Variants in CLEC17A observed in about 807,000 individuals in gnomAD.
CLEC17A encodes C-type lectin domain family 17, member A.
Under a neutral mutation model 61.3 loss-of-function variants are expected in CLEC17A, and 37 were observed. The observed-to-expected ratio is 0.60, with a 90% CI of 0.46 to 0.79. The LOEUF (loss-of-function observed/expected upper bound fraction) is 0.79. CLEC17A is among the 30% of genes least tolerant of loss of function. The pLI, the probability that CLEC17A is intolerant of heterozygous loss-of-function variation, is 0.00. For synonymous variants in CLEC17A, 168 were observed against 164.9 expected, an observed-to-expected ratio of 1.02 and a Z score of -0.14; for missense variants, 418 against 464.7, an observed-to-expected ratio of 0.90 and a Z score of 0.92.
At chr19:14,594,144 G>T (rs553667059) in intron 4 of CLEC17A, among the ~76,000 whole-genome samples, 2 of 151,968 alleles carry the variant, frequency 1.3e-5, no homozygotes, top group Non-Finnish European at 2.9e-5. Context: ...TTAGCTGGGC[G>T]TGGTAGCATA....
chr19:14,611,676 T>C lies in CLEC17A; in HGVS notation c.*1480T>C, dbSNP rs1264718901. Among the ~76,000 whole-genome samples, 1 of 152,142 alleles carries C rather than the reference T, an allele frequency of 6.6e-6. No individual in the cohort carries two copies. The highest frequency in any genetic ancestry group is 2.4e-5 in the African/African-American group (1 of 41,436). On this transcript the variant is annotated 3_prime_UTR_variant, in exon 14 of 14. Transcript: ENST00000417570. ...TATCTGCCAGCACGTGCCCTTGAGC[T>C]ATCTGTGGGTTGTAACGTCTTTGAT...
chr19:14,601,260 T>C (rs552013327), intron 12 of CLEC17A, among the ~76,000 whole-genome samples: 4 of 152,226 alleles, frequency 2.6e-5, no homozygotes, highest in Admixed American at 2.6e-4. Flanking sequence ...ATGGTGAAAG[T>C]AGACGAGGGA....
At position 14,610,184 on chromosome 19, in the gene CLEC17A, A is replaced by G. The variant is rs2075014533; in HGVS notation, c.1125A>G (p.Lys375=). The change falls in exon 14 of 14, where the codon AAA becomes AAG. Residue 375 remains lysine, a synonymous_variant. Coordinates refer to ENST00000417570, the MANE Select transcript of CLEC17A (RefSeq NM_001204118.2). ...CTACGTATTGGATTTGTGAGCGGAA[A>G]TGTTCCTGTTGAAGCCCAGGGCCGA... ...YKTTYWICER[K]CSC is the part of the protein sequence containing the mutation. 3 of 1,568,312 alleles carry G rather than the reference A, an allele frequency of 1.9e-6. No homozygotes were observed. Among genetic ancestry groups the G allele is most frequent in the East Asian group, 2.4e-5 (1 of 42,464 alleles).
intron 4 of CLEC17A, among the ~76,000 whole-genome samples, chr19:14,592,594 T>C (rs2074447477): frequency 6.6e-6 from 1 of 152,144 alleles, no homozygotes; most frequent in African/African-American, 2.4e-5. Flanking sequence ...GGCAAAATCC[T>C]TGGGGGACTG....
chr19:14,598,635 G>A (rs752329248), intron 10 of CLEC17A, among the ~76,000 whole-genome samples: 12 of 151,756 alleles, frequency 7.9e-5, no homozygotes, highest in African/African-American at 1.5e-4. Context: ...CACCACTCCC[G>A]GCTAATTTTT....
intron 4 of CLEC17A, 96 bp downstream of exon 4, chr19:14,592,454 T>C (rs1395971541): frequency 6.4e-7 from 1 of 1,565,976 alleles, no homozygotes; most frequent in African/African-American, 1.4e-5. Flanking sequence ...GTCAGTCTCC[T>C]CTGTATCCAG....
At chr19:14,598,430 C>T (rs964522904) in intron 10 of CLEC17A, among the ~76,000 whole-genome samples, 4 of 149,702 alleles carry the variant, frequency 2.7e-5, no homozygotes, top group Non-Finnish European at 5.9e-5. Flanking sequence ...TTCTCTCCCT[C>T]TTTCTCCTTC....
chr19:14,592,876 G>A (rs1205632593), intron 4 of CLEC17A, among the ~76,000 whole-genome samples: 1 of 152,096 alleles, frequency 6.6e-6, no homozygotes, highest in East Asian at 1.9e-4. Context: ...ATATTGGCCA[G>A]GATGGTCTCA....
At chr19:14,607,720 A>T (rs549659129) in intron 13 of CLEC17A, among the ~76,000 whole-genome samples, 1 of 151,160 alleles carries the variant, frequency 6.6e-6, no homozygotes, top group African/African-American at 2.4e-5. Context: ...GGGATTACAG[A>T]CACCCGCCGT....
At chr19:14,583,620 T>C (rs1230003092) in intron 2 of CLEC17A, among the ~76,000 whole-genome samples, 186 bp downstream of exon 2, 1 of 151,680 alleles carries the variant, frequency 6.6e-6, no homozygotes, top group Non-Finnish European at 1.5e-5. Context: ...TTGGGCACAG[T>C]CTTGGTGAGC....
At chr19:14,606,348 C>G (rs1180897349) in intron 12 of CLEC17A, among the ~76,000 whole-genome samples, 1 of 145,504 alleles carries the variant, frequency 6.9e-6, no homozygotes, top group African/African-American at 2.6e-5. Context: ...GCACTCCAGT[C>G]TGGTTGACAG....
rs761833669 is a variant in CLEC17A, at chr19:14,610,904, C to T, written c.*708C>T. On this transcript the variant is annotated 3_prime_UTR_variant, in exon 14 of 14. Coordinates refer to ENST00000417570, the MANE Select transcript of CLEC17A (RefSeq NM_001204118.2). ...CTCAAACTCCTGGGGTCAAGCAATC[C>T]TTCCGTGATGGCCTCCCAAAGTGCT... The T allele has an allele frequency of 6.6e-6, 1 of 152,084 alleles. No individual in the cohort carries two copies. The highest frequency in any genetic ancestry group is 2.4e-5 in the African/African-American group (1 of 41,414). The allele number at this position is 152,084 out of a possible 1,614,324, so 9.4% of individuals were successfully genotyped here.
At chr19:14,582,822 G>A (rs986776920), upstream of CLEC17A, among the ~76,000 whole-genome samples, 4 of 151,712 alleles carry the variant, frequency 2.6e-5, no homozygotes, top group African/African-American at 2.4e-5. Context: ...TGGCCAACCT[G>A]GTCTCGAACT....
At chr19:14,589,167 C>T (rs2074357485) in intron 3 of CLEC17A, among the ~76,000 whole-genome samples, 1 of 149,794 alleles carries the variant, frequency 6.7e-6, no homozygotes, top group Admixed American at 6.6e-5. Context: ...CTCTGTTCTT[C>T]ATCCTAACCA....
chr19:14,600,795 C>T (rs183638830), intron 12 of CLEC17A, among the ~76,000 whole-genome samples: 480 of 151,160 alleles, frequency 3.2e-3, no homozygotes, highest in Admixed American at 6.7e-3. Flanking sequence ...CTGTGTTAGC[C>T]AGGATGGATG....
intron 2 of CLEC17A, among the ~76,000 whole-genome samples, chr19:14,587,233 A>ATGTGTGTGTG (rs3049160): frequency 1.4e-5 from 2 of 145,304 alleles, no homozygotes; most frequent in African/African-American, 5.3e-5. Flanking sequence ...CCAGAGAAAG[A>ATGTGTGTGTG]TGTGTGTGTG....
rs567720732 is a variant in CLEC17A at position 14,596,326 on chromosome 19, C to T, written c.446-550C>T. On this transcript the variant is annotated intron_variant, in intron 8 of 13. Coordinates refer to ENST00000417570, the MANE Select transcript of CLEC17A (RefSeq NM_001204118.2). ...TAACCTACATCATAAGGATGAGACT[C>T]CAATAAGATAGGAAGGATGTAGGTT... Among the ~76,000 whole-genome samples, 30 of 152,144 alleles carry T rather than the reference C, an allele frequency of 2.0e-4. 1 individual carries two copies. The South Asian group carries it at 6.0e-3, about 31-fold the overall frequency.
At chr19:14,607,609 G>A (rs765025488) in intron 13 of CLEC17A, among the ~76,000 whole-genome samples, 13 of 145,656 alleles carry the variant, frequency 8.9e-5, no homozygotes, top group Non-Finnish European at 1.7e-4. Flanking sequence ...ACGGAGTCTC[G>A]CTGTCGCTCA....
At chr19:14,597,579 A>C (rs2074579675) in intron 10 of CLEC17A, among the ~76,000 whole-genome samples, 1 of 152,140 alleles carries the variant, frequency 6.6e-6, no homozygotes. Context: ...TCTCTAAAAA[A>C]AATTAGCCGG....
Sources: gnomAD v4.1 joint callset for allele counts (sites outside exome capture counted in the v4.1 genomes callset) on GRCh38, gnomAD v4.1.1 for gene constraint, MANE v1.5 for transcripts, NCBI Gene and HGNC (gene_info 2026-07-23, HGNC 2026-07-21) for gene names.